RSRC1: variants seen among roughly 807,000 people sequenced by gnomAD.
The protein encoded by RSRC1 is serine/Arginine-related protein 53.
In RSRC1, 39 loss-of-function variants were observed where a neutral mutation model predicts 49.1. The ratio of observed to expected loss-of-function variants is 0.79; its 90% CI spans 0.61 to 1.04. The LOEUF (loss-of-function observed/expected upper bound fraction) is 1.04. Among genes scored for constraint, RSRC1 ranks in the 50% least tolerant of loss-of-function variants. The pLI, the probability that RSRC1 is intolerant of heterozygous loss-of-function variation, is 0.00. For synonymous variants in RSRC1, 143 were observed against 130.8 expected, an observed-to-expected ratio of 1.09 and a Z score of -0.63; for missense variants, 388 against 402.4, an observed-to-expected ratio of 0.96 and a Z score of 0.31.
intron 6 of RSRC1, among the ~76,000 whole-genome samples, chr3:158,441,209 C>T (rs978756896): frequency 8.6e-5 from 13 of 151,984 alleles, no homozygotes; most frequent in African/African-American, 3.1e-4. Flanking sequence ...TGAAGTGTAT[C>T]TTTACTTTCT....
At chr3:158,273,914 C>CTGTA (rs1309346869) in intron 4 of RSRC1, among the ~76,000 whole-genome samples, 1 of 152,062 alleles carries the variant, frequency 6.6e-6, no homozygotes. Context: ...TGTTTGCTAA[C>CTGTA]TGTATCTTTG....
At chr3:158,206,747 C>G (rs932509060) in intron 4 of RSRC1, among the ~76,000 whole-genome samples, 2 of 152,052 alleles carry the variant, frequency 1.3e-5, no homozygotes, top group African/African-American at 4.8e-5. Flanking sequence ...AACCCTGTCT[C>G]TACTAAAAAT....
intron 6 of RSRC1, among the ~76,000 whole-genome samples, chr3:158,449,074 A>G (rs772815210): frequency 5.3e-5 from 8 of 151,880 alleles, no homozygotes; most frequent in Admixed American, 3.3e-4. Context: ...TCATTTTTCA[A>G]TATCATCATT....
chr3:158,460,278 T>G (rs190492709), intron 6 of RSRC1, among the ~76,000 whole-genome samples: 1 of 151,868 alleles, frequency 6.6e-6, no homozygotes. Flanking sequence ...AGAACAGAAA[T>G]TTAATTAATT....
intron 4 of RSRC1, among the ~76,000 whole-genome samples, chr3:158,227,327 G>T (rs1174901641): frequency 6.6e-6 from 1 of 151,790 alleles, no homozygotes; most frequent in Non-Finnish European, 1.5e-5. Flanking sequence ...TAGACGAGTG[G>T]TTTTCAAGCT....
chr3:158,246,919 T>TG (rs1391795292), intron 4 of RSRC1, among the ~76,000 whole-genome samples: 2 of 152,194 alleles, frequency 1.3e-5, no homozygotes, highest in Non-Finnish European at 2.9e-5. Context: ...ATTTGAATGT[T>TG]GGCCTGTCTT....
intron 3 of RSRC1, among the ~76,000 whole-genome samples, chr3:158,162,478 A>G (rs1387435982): frequency 6.6e-6 from 1 of 152,178 alleles, no homozygotes; most frequent in African/African-American, 2.4e-5. Context: ...TAGTTAGGAT[A>G]ATCACCATTT....
intron 6 of RSRC1, among the ~76,000 whole-genome samples, chr3:158,398,411 C>T (rs1733720828): frequency 6.6e-6 from 1 of 152,016 alleles, no homozygotes; most frequent in Non-Finnish European, 1.5e-5. Flanking sequence ...CAAGATGGCA[C>T]CTTGAACTTT....
intron 6 of RSRC1, among the ~76,000 whole-genome samples, chr3:158,375,895 A>G (rs1202483541): frequency 6.6e-6 from 1 of 152,178 alleles, no homozygotes. Flanking sequence ...TATGCCAGGT[A>G]TTCTTTTAGG....
intron 3 of RSRC1, among the ~76,000 whole-genome samples, chr3:158,183,711 G>A (rs1041164252): frequency 3.9e-5 from 6 of 152,034 alleles, no homozygotes; most frequent in African/African-American, 7.2e-5. Flanking sequence ...GAGACCAGGA[G>A]TTCAAGACTA....
chr3:158,427,883 A>G (rs112320795), intron 6 of RSRC1, among the ~76,000 whole-genome samples: 1 of 151,740 alleles, frequency 6.6e-6, no homozygotes, highest in East Asian at 1.9e-4. Flanking sequence ...GCTTTTTTCT[A>G]TTAAAATAAT....
chr3:158,436,579 C>A (rs1284482540), intron 6 of RSRC1, among the ~76,000 whole-genome samples: 1 of 151,816 alleles, frequency 6.6e-6, no homozygotes, highest in East Asian at 1.9e-4. Flanking sequence ...ATACTTAGTA[C>A]ATATTTCCCT....
chr3:158,285,417 C>T (rs1457358580), intron 4 of RSRC1, among the ~76,000 whole-genome samples: 2 of 152,104 alleles, frequency 1.3e-5, no homozygotes, highest in Non-Finnish European at 2.9e-5. Flanking sequence ...GTAGTTTTTG[C>T]CAATTCTGTG....
chr3:158,482,420 T>C (rs571377958), intron 7 of RSRC1, among the ~76,000 whole-genome samples: 2 of 152,198 alleles, frequency 1.3e-5, no homozygotes, highest in South Asian at 4.1e-4. Flanking sequence ...ACTTTAATTA[T>C]TATTACTTCA....
In RSRC1 at chr3:158,266,893, A is replaced by G. The variant is rs373139948; in HGVS notation, c.495-31146A>G. ...ATTCTCCTGCCTCAGCGTCCTGAGTATCTGAGACTACAGGAACACACCATT... is the reference window on the plus strand; with the variant it reads ...ATTCTCCTGCCTCAGCGTCCTGAGTGTCTGAGACTACAGGAACACACCATT... On this transcript the variant is annotated intron_variant, in intron 4 of 9. Coordinates refer to ENST00000611884, the MANE Select transcript of RSRC1 (RefSeq NM_001271838.2). 9.2e-5 allele frequency among the ~76,000 whole-genome samples: 14 copies of G among 152,194 alleles called. No individual in the cohort carries two copies. In the East Asian group the frequency reaches 2.3e-3, roughly 25 times the overall value.
chr3:158,426,602 G>A (rs528575147), intron 6 of RSRC1, among the ~76,000 whole-genome samples: 30 of 151,778 alleles, frequency 2.0e-4, no homozygotes, highest in African/African-American at 5.1e-4. Flanking sequence ...CTATTAATTT[G>A]CGTGGTATTA....
At chr3:158,533,510 G>T (rs1046002659) in intron 7 of RSRC1, among the ~76,000 whole-genome samples, 10 of 151,666 alleles carry the variant, frequency 6.6e-5, no homozygotes, top group African/African-American at 2.4e-4. Flanking sequence ...CTGGTTGTAT[G>T]TCCAAATTTA....
At chr3:158,209,398 C>T (rs770982847) in intron 4 of RSRC1, among the ~76,000 whole-genome samples, 1 of 152,052 alleles carries the variant, frequency 6.6e-6, no homozygotes, top group Admixed American at 6.6e-5. Context: ...TCTTGGACTT[C>T]CCAGCATCCA....
chr3:158,353,087 ATCAGTCC>A (rs1730963864), intron 5 of RSRC1, among the ~76,000 whole-genome samples: 1 of 152,260 alleles, frequency 6.6e-6, no homozygotes, highest in African/African-American at 2.4e-5. Context: ...CTAATAACCA[ATCAGTCC>A]TTTTGTTTTA....
Sources: gnomAD v4.1 joint callset for allele counts (sites outside exome capture counted in the v4.1 genomes callset) on GRCh38, gnomAD v4.1.1 for gene constraint, MANE v1.5 for transcripts, NCBI Gene and HGNC (gene_info 2026-07-23, HGNC 2026-07-21) for gene names.